USP34: variants seen among roughly 807,000 people sequenced by gnomAD.
The protein encoded by USP34 is ubiquitin carboxyl-terminal hydrolase 34.
USP34 carries 70 observed loss-of-function variants against 460.3 expected under a neutral mutation model. That is an observed-to-expected ratio of 0.15 (90% CI 0.13 to 0.19). The LOEUF (loss-of-function observed/expected upper bound fraction) is 0.19. Among genes scored for constraint, USP34 ranks in the 10% least tolerant of loss-of-function variants. The pLI is 1.00. For missense variants in USP34, 3,985 were observed against 4,236.2 expected (o/e 0.94, Z 1.65); for synonymous variants, 1,647 against 1,405.3 (o/e 1.17, Z -3.85).
At position 61,187,851 on chromosome 2, in the gene USP34, G is replaced by A. The variant is rs1323116035; in HGVS notation, c.*251C>T. The A allele has an allele frequency of 2.6e-5, 32 of 1,253,796 alleles. No individual in the cohort carries two copies. Among genetic ancestry groups the A allele is most frequent in the Non-Finnish European group, 3.3e-5 (32 of 976,220 alleles). 77.7% of individuals were successfully genotyped at this position (1,253,796 alleles called of 1,614,324 possible). On this transcript the variant is annotated 3_prime_UTR_variant, in exon 80 of 80. Transcript: ENST00000398571. ...TCCCAGACAGCCATATTAAATGAAA[G>A]CCACTAAAGTGAACTCTTAATTACA...
rs767807804 is a variant in USP34, at chr2:61,221,576, T to A, written c.7825A>T (p.Met2609Leu). Residue 2609 changes from methionine to leucine, a missense_variant, in exon 66 of 80, where the codon ATG becomes TTG. Met to Leu is a conservative substitution (Grantham distance 15). Transcript: ENST00000398571. Reference sequence around the variant, plus strand: ...GGTCCACCAGCAAACTCCATTAGCATAGTCAACAACTTAAAGAAAGGATTG... The same window carrying A: ...GGTCCACCAGCAAACTCCATTAGCAAAGTCAACAACTTAAAGAAAGGATTG... ...AANPFFKLLTMLMEFAGGPPG... is the reference protein window; with the variant it reads ...AANPFFKLLTLLMEFAGGPPG... The A allele has an allele frequency of 3.1e-6, 5 of 1,614,112 alleles. No individual in the cohort carries two copies. Among genetic ancestry groups the A allele is most frequent in the Non-Finnish European group, 4.2e-6 (5 of 1,179,964 alleles).
rs753843127 is a variant in USP34, at chr2:61,245,299, G to A, written c.6549-11C>T. On this transcript the variant is annotated splice_polypyrimidine_tract_variant and intron_variant, in intron 50 of 79. Transcript: ENST00000398571. ...TCATTAAAAAGATACCTAAAATAGAGCATATAGTATTAATCTAGTATGCAT... is the reference window on the plus strand; with the variant it reads ...TCATTAAAAAGATACCTAAAATAGAACATATAGTATTAATCTAGTATGCAT... 93 of 1,566,600 alleles carry A rather than the reference G, an allele frequency of 5.9e-5. No homozygotes were observed. Among genetic ancestry groups the A allele is most frequent in the Non-Finnish European group, 7.8e-5 (89 of 1,143,784 alleles).
chr2:61,284,737 T>A (rs961037110), intron 35 of USP34, 138 bp downstream of exon 35: 11 of 602,304 alleles, frequency 1.8e-5, no homozygotes, highest in Non-Finnish European at 2.8e-5. Context: ...ATACGTAAAT[T>A]TGGATGGAAG....
chr2:61,272,016 G>C (rs770245983), intron 41 of USP34, among the ~76,000 whole-genome samples: 1 of 152,132 alleles, frequency 6.6e-6, no homozygotes, highest in African/African-American at 2.4e-5. Flanking sequence ...TTCCAAAACA[G>C]AACTCTTGGT....
At position 61,273,964 on chromosome 2, in the gene USP34, T is replaced by G. The variant is rs554944951; in HGVS notation, c.5433+4201A>C. On this transcript the variant is annotated intron_variant, in intron 41 of 79. Coordinates refer to ENST00000398571, the MANE Select transcript of USP34 (RefSeq NM_014709.4). ...TCCTTTCACCTAAACAATTTCCTGA[T>G]AGAAAAACTTAAATGTAAAATATTA... 2.8e-3 allele frequency among the ~76,000 whole-genome samples: 426 copies of G among 151,842 alleles called. 1 individual carries two copies. Among genetic ancestry groups the G allele is most frequent in the African/African-American group, 9.6e-3 (397 of 41,388 alleles).
intron 10 of USP34, among the ~76,000 whole-genome samples, chr2:61,362,379 C>T (rs1187530214): frequency 6.6e-6 from 1 of 152,048 alleles, no homozygotes; most frequent in African/African-American, 2.4e-5. Flanking sequence ...AGTATTATTC[C>T]CAAGAGCCAA....
At position 61,197,917 on chromosome 2, in the gene USP34, G is replaced by A. The variant is rs1029552111; in HGVS notation, c.9509-4937C>T. Reference sequence around the variant, plus strand: ...TGGGACTACAGGCGTGCGCCACCACGCCCAGCTAGATTTTTGTATTTTTAA... The same window carrying A: ...TGGGACTACAGGCGTGCGCCACCACACCCAGCTAGATTTTTGTATTTTTAA... On this transcript the variant is annotated intron_variant, in intron 75 of 79. Transcript: ENST00000398571. 3.9e-5 allele frequency among the ~76,000 whole-genome samples: 6 copies of A among 152,096 alleles called. No homozygotes were observed. In the East Asian group the frequency reaches 1.2e-3, roughly 29 times the overall value.
intron 18 of USP34, among the ~76,000 whole-genome samples, chr2:61,336,921 G>T (rs913256192): frequency 6.6e-6 from 1 of 151,402 alleles, no homozygotes; most frequent in Non-Finnish European, 1.5e-5. Context: ...TCTTTTTAAC[G>T]GTTAGGCCTG....
intron 41 of USP34, among the ~76,000 whole-genome samples, chr2:61,266,807 C>G (rs1014395471): frequency 2.6e-5 from 4 of 152,052 alleles, no homozygotes; most frequent in African/African-American, 9.7e-5. Flanking sequence ...CTCTTGATAC[C>G]CACAGAAAGG....
chr2:61,381,217 A>T (rs1171287686), intron 6 of USP34, among the ~76,000 whole-genome samples: 90 of 119,714 alleles, frequency 7.5e-4, no homozygotes, highest in African/African-American at 2.9e-3. Flanking sequence ...AAAAAAAAAA[A>T]TAAATAAATA....
intron 6 of USP34, among the ~76,000 whole-genome samples, chr2:61,381,987 C>T (rs1192188027): frequency 6.6e-6 from 1 of 152,092 alleles, no homozygotes; most frequent in Admixed American, 6.5e-5. Context: ...ATCCACAATG[C>T]TACCCTTTTC....
At chr2:61,265,585 C>A (rs1168086680) in intron 42 of USP34, 28 bp from the exon 43 acceptor site, 3 of 1,568,730 alleles carry the variant, frequency 1.9e-6, no homozygotes, top group Non-Finnish European at 8.7e-7. Flanking sequence ...AGGAAAAGAT[C>A]CCCCCCAAAC....
intron 68 of USP34, among the ~76,000 whole-genome samples, chr2:61,213,017 C>A (rs1419890420): frequency 6.6e-6 from 1 of 152,110 alleles, no homozygotes; most frequent in Non-Finnish European, 1.5e-5. Flanking sequence ...CTCTTTCCTG[C>A]ATTGTAGGGA....
intron 49 of USP34, 88 bp from the exon 50 acceptor site, chr2:61,246,565 A>G: frequency 1.1e-6 from 1 of 875,640 alleles, no homozygotes; most frequent in Non-Finnish European, 1.5e-6. Context: ...TTTATCAATT[A>G]CAATATTTTA....
intron 19 of USP34, among the ~76,000 whole-genome samples, chr2:61,332,944 T>C (rs944544464): frequency 5.3e-5 from 8 of 152,132 alleles, no homozygotes; most frequent in Non-Finnish European, 1.0e-4. Context: ...TTCCAAGAAC[T>C]ATAAAAGTGA....
At chr2:61,316,907 T>C (rs1273391635) in intron 23 of USP34, among the ~76,000 whole-genome samples, 1 of 152,050 alleles carries the variant, frequency 6.6e-6, no homozygotes, top group East Asian at 1.9e-4. Flanking sequence ...ATAATAAAAA[T>C]TTTTAAAAAT....
intron 23 of USP34, among the ~76,000 whole-genome samples, chr2:61,316,077 G>A (rs1004006249): frequency 4.0e-5 from 6 of 151,358 alleles, no homozygotes; most frequent in African/African-American, 1.5e-4. Context: ...AGGCAGGCAT[G>A]CGCCTATAAT....
intron 1 of USP34, among the ~76,000 whole-genome samples, chr2:61,459,104 G>T (rs4485550): frequency 1.3e-5 from 2 of 152,170 alleles, no homozygotes; most frequent in East Asian, 3.9e-4. Flanking sequence ...ATCCACTTTA[G>T]CCCAAATAAA....
intron 15 of USP34, among the ~76,000 whole-genome samples, chr2:61,345,994 C>T (rs1392626186): frequency 6.6e-6 from 1 of 152,144 alleles, no homozygotes; most frequent in Admixed American, 6.5e-5. Context: ...GACAGAATCA[C>T]ATTATTTGGT....
Sources: gnomAD v4.1 joint callset for allele counts (sites outside exome capture counted in the v4.1 genomes callset) on GRCh38, gnomAD v4.1.1 for gene constraint, MANE v1.5 for transcripts, NCBI Gene and HGNC (gene_info 2026-07-23, HGNC 2026-07-21) for gene names.